The following MOBP variants were observed in gnomAD, a reference collection of about 807,000 sequenced individuals.
The protein encoded by MOBP is myelin-associated oligodendrocyte basic protein.
Under a neutral mutation model 15.0 loss-of-function variants are expected in MOBP, and 5 were observed. The observed-to-expected ratio is 0.33, with a 90% CI of 0.17 to 0.70. The LOEUF (loss-of-function observed/expected upper bound fraction) is 0.70, where lower values mean the gene tolerates loss of function less well. MOBP is among the 30% of genes least tolerant of loss of function. The pLI, the probability that MOBP is intolerant of heterozygous loss-of-function variation, is 0.67. For missense variants in MOBP, 188 were observed against 257.8 expected (o/e 0.73, Z 1.85); for synonymous variants, 88 against 99.0 (o/e 0.89, Z 0.66).
intron 3 of MOBP, among the ~76,000 whole-genome samples, chr3:39,521,446 C>G (rs770345425): frequency 2.0e-5 from 3 of 152,114 alleles, no homozygotes; most frequent in Non-Finnish European, 4.4e-5. Context: ...ATCTGAGCCC[C>G]CGTTTAAAGT....
Position 39,495,871 on chromosome 3 carries a change from A to C in MOBP, c.-4-6195A>C, listed in dbSNP as rs80169903. On this transcript the variant is annotated intron_variant, in intron 2 of 3. Transcript: ENST00000684792. The stretch of plus-strand genomic sequence containing the variant: ...AAACCACTTCCTTACTTTTGAAAAA[A>C]AATGAAGTAGATAGCTTCTGACAAA... Among the ~76,000 whole-genome samples, 653 of 152,118 alleles carry C rather than the reference A, an allele frequency of 4.3e-3. 2 individuals carry two copies. Among genetic ancestry groups the C allele is most frequent in the African/African-American group, 0.015 (612 of 41,540 alleles).
intron 1 of MOBP, among the ~76,000 whole-genome samples, chr3:39,469,431 G>A (rs942573841): frequency 1.7e-5 from 2 of 121,018 alleles, no homozygotes; most frequent in Admixed American, 1.5e-4. Flanking sequence ...ATTTTAATTG[G>A]AATTAATTAA....
intron 2 of MOBP, among the ~76,000 whole-genome samples, chr3:39,493,348 G>T (rs1490946348): frequency 1.3e-5 from 2 of 151,926 alleles, no homozygotes; most frequent in African/African-American, 2.4e-5. Flanking sequence ...AAATTAATTT[G>T]TATGAATTAG....
At position 39,469,180 on chromosome 3, in the gene MOBP, GTGTGTGTGTGTATATACATATATACA is replaced by G. The variant is rs1559412278; in HGVS notation, c.-89+1450_-89+1475del. Among the ~76,000 whole-genome samples, 28 of 41,092 alleles carry G rather than the reference GTGTGTGTGTGTATATACATATATACA, an allele frequency of 6.8e-4. 4 individuals carry two copies. The highest frequency in any genetic ancestry group is 1.1e-3 in the Non-Finnish European group (27 of 23,988). 27.0% of individuals were successfully genotyped at this position (41,092 alleles called of 152,430 possible). A position where few individuals can be genotyped will look rare whatever the true frequency, so the allele number is the denominator to read the frequency against. ...TGTGTGTGTGTATACATATATACAT[GTGTGTGTGTGTATATACATATATACA>G]TGTGTGTGTATATACATATATACAT... is the stretch of plus-strand genomic sequence containing the variant. On this transcript the variant is annotated intron_variant, in intron 1 of 3. Transcript: ENST00000684792.
intron 2 of MOBP, among the ~76,000 whole-genome samples, chr3:39,491,963 G>A (rs2042801474): frequency 3.3e-5 from 5 of 152,160 alleles, no homozygotes. Flanking sequence ...ATAGTGTAGT[G>A]GGGGCCCTGC....
Position 39,469,108 on chromosome 3 carries a change from GTATA to G in MOBP, c.-89+1373_-89+1376del, listed in dbSNP as rs1159531717. ...TATATACATATATACATATGTGTGT[GTATA>G]TATACATATATACATATGTGTGTGT... On this transcript the variant is annotated intron_variant, in intron 1 of 3. Transcript: ENST00000684792. Among the ~76,000 whole-genome samples, 6 of 51,148 alleles carry G rather than the reference GTATA, an allele frequency of 1.2e-4. 1 individual carries two copies. The highest frequency in any genetic ancestry group is 2.2e-4 in the Non-Finnish European group (6 of 27,768). The allele number at this position is 51,148 out of a possible 152,430, so 33.6% of individuals were successfully genotyped here. A position where few individuals can be genotyped will look rare whatever the true frequency, so the allele number is the denominator to read the frequency against.
At chr3:39,525,330 C>T (rs1242340385), downstream of MOBP, 1 of 152,292 alleles carries the variant, frequency 6.6e-6, no homozygotes, top group East Asian at 1.9e-4. Flanking sequence ...CTTGTGGCTT[C>T]TGATGATTTC....
At chr3:39,497,045 T>G (rs866712443) in intron 2 of MOBP, among the ~76,000 whole-genome samples, 1 of 151,974 alleles carries the variant, frequency 6.6e-6, no homozygotes, top group Non-Finnish European at 1.5e-5. Context: ...TCAAGTAATC[T>G]GTCTGCCTCG....
At chr3:39,520,546 GTGTGTGTGTGTA>G (rs1269043864), downstream of MOBP, among the ~76,000 whole-genome samples, 2 of 139,386 alleles carry the variant, frequency 1.4e-5, no homozygotes, top group African/African-American at 6.3e-5. Flanking sequence ...GAGTGTGTGT[GTGTGTGTGTGTA>G]TGTGTGTGTG....
chr3:39,476,215 G>A (rs1427517311), intron 1 of MOBP, among the ~76,000 whole-genome samples: 1 of 152,220 alleles, frequency 6.6e-6, no homozygotes. Flanking sequence ...GGGGGATGAT[G>A]CTAAACCATT....
downstream of MOBP, among the ~76,000 whole-genome samples, chr3:39,520,576 G>GT (rs1559430962): frequency 0.025 from 2,341 of 93,092 alleles, 62 homozygotes; most frequent in African/African-American, 0.092. Context: ...GTGTGTGTAT[G>GT]AGAGAGAGAG....
chr3:39,512,655 C>T (rs1239150836), intron 4 of MOBP, among the ~76,000 whole-genome samples: 2 of 152,176 alleles, frequency 1.3e-5, no homozygotes, highest in South Asian at 2.1e-4. Flanking sequence ...CTGTGATCCT[C>T]ATAAGTTTTG....
chr3:39,484,469 G>GT (rs1340695754), intron 2 of MOBP, among the ~76,000 whole-genome samples: 2 of 152,148 alleles, frequency 1.3e-5, no homozygotes, highest in Non-Finnish European at 2.9e-5. Flanking sequence ...TAAGGGGAAA[G>GT]TGAGTCTAGA....
At chr3:39,474,808 C>T (rs1039985446) in intron 1 of MOBP, among the ~76,000 whole-genome samples, 14 of 152,062 alleles carry the variant, frequency 9.2e-5, no homozygotes, top group African/African-American at 3.4e-4. Context: ...TTTTTTGCCT[C>T]CCCTCAAGAT....
chr3:39,493,680 C>T (rs1221540723), intron 2 of MOBP, among the ~76,000 whole-genome samples: 3 of 152,080 alleles, frequency 2.0e-5, no homozygotes, highest in Non-Finnish European at 2.9e-5. Context: ...AAGGGTAGCA[C>T]TAAAGTTCTA....
At chr3:39,506,830 G>A (rs2043054880), downstream of MOBP, among the ~76,000 whole-genome samples, 1 of 152,224 alleles carries the variant, frequency 6.6e-6, no homozygotes, top group Non-Finnish European at 1.5e-5. Flanking sequence ...TGCTCTAATG[G>A]TTACCTGTGG....
downstream of MOBP, chr3:39,529,355 A>T (rs1379294341): frequency 6.6e-6 from 1 of 152,234 alleles, no homozygotes; most frequent in Non-Finnish European, 1.5e-5. Flanking sequence ...GACCATGAAT[A>T]TCTAGGGAAA....
At chr3:39,499,989 C>T (rs751729597) in intron 2 of MOBP, 39 of 455,602 alleles carry the variant, frequency 8.6e-5, no homozygotes, top group Non-Finnish European at 8.8e-5. Flanking sequence ...GCCATTGCAC[C>T]AGCACATTCT....
intron 1 of MOBP, among the ~76,000 whole-genome samples, chr3:39,471,409 G>A (rs1359533641): frequency 6.6e-6 from 1 of 152,118 alleles, no homozygotes. Flanking sequence ...GATTACAGAC[G>A]TGAGCCACTG....
Sources: allele counts gnomAD v4.1 joint callset (sites outside exome capture counted in the v4.1 genomes callset), GRCh38; gene constraint gnomAD v4.1.1; transcripts MANE v1.5; gene names NCBI Gene and HGNC (gene_info 2026-07-23, HGNC 2026-07-21).